Variants in DCDC1 observed in about 807,000 individuals in gnomAD.
The protein encoded by DCDC1 is doublecortin domain-containing protein 1.
DCDC1 carries 200 observed loss-of-function variants against 178.3 expected under a neutral mutation model. The ratio of observed to expected loss-of-function variants is 1.12; its 90% CI spans 1.00 to 1.26. DCDC1 has a LOEUF of 1.26. DCDC1 is among the 50% of genes most tolerant of loss of function. The pLI is 0.00. For synonymous variants in DCDC1, 690 were observed against 604.8 expected (o/e 1.14, Z -2.07); for missense variants, 1,983 against 1,749.2 (o/e 1.13, Z -2.38).
chr11:31,349,928 TGA>T lies in DCDC1; in HGVS notation c.-124-14366_-124-14365del, dbSNP rs1199778694. Among the ~76,000 whole-genome samples the T allele has an allele frequency of 2.1e-4, 32 of 152,348 alleles. 1 individual carries two copies. The highest frequency in any genetic ancestry group is 2.0e-3 in the Admixed American group (30 of 15,302). On this transcript the variant is annotated intron_variant, in intron 1 of 38. Coordinates refer to ENST00000684477, the MANE Select transcript of DCDC1 (RefSeq NM_001387274.1). ...TGTTACTAAATATTTGTTGAGAACA[TGA>T]TTTTTTATTACCTGTTTAATATCCT... is the stretch of plus-strand genomic sequence containing the variant.
At chr11:31,306,902 C>G (rs1245128251) in intron 4 of DCDC1, among the ~76,000 whole-genome samples, 2 of 151,962 alleles carry the variant, frequency 1.3e-5, no homozygotes, top group African/African-American at 4.8e-5. Flanking sequence ...TTGTATTGCT[C>G]TCATTTCAAA....
chr11:30,969,432 C>T (rs10835732), intron 20 of DCDC1, among the ~76,000 whole-genome samples: 71,722 of 151,908 alleles, frequency 0.47, 18,315 homozygotes, highest in Middle Eastern at 0.59. Context: ...GTATTGTTCC[C>T]TATAACCTCC....
chr11:31,033,228 C>T (rs1006773913), intron 20 of DCDC1, among the ~76,000 whole-genome samples: 1 of 152,030 alleles, frequency 6.6e-6, no homozygotes, highest in African/African-American at 2.4e-5. Context: ...GAACTTAAAC[C>T]TTGGTCAAAA....
chr11:31,171,332 TA>T (rs1967210408), intron 9 of DCDC1, among the ~76,000 whole-genome samples: 1 of 90,982 alleles, frequency 1.1e-5, no homozygotes. Flanking sequence ...AAGTCAGCCA[TA>T]AACAACATGA....
chr11:30,976,200 T>C (rs1161370049), intron 20 of DCDC1, among the ~76,000 whole-genome samples: 1 of 151,976 alleles, frequency 6.6e-6, no homozygotes, highest in East Asian at 1.9e-4. Context: ...CAAGATGAAT[T>C]GAAAACTTAA....
At chr11:31,352,073 A>G (rs1951101752) in intron 1 of DCDC1, among the ~76,000 whole-genome samples, 2 of 152,160 alleles carry the variant, frequency 1.3e-5, no homozygotes, top group South Asian at 4.1e-4. Flanking sequence ...GATTACAAAA[A>G]TCTGGACCTC....
chr11:31,283,818 C>T (rs764232281), intron 7 of DCDC1, among the ~76,000 whole-genome samples: 1 of 152,118 alleles, frequency 6.6e-6, no homozygotes, highest in Non-Finnish European at 1.5e-5. Flanking sequence ...GATGCTTACA[C>T]AAAATTTGAG....
chr11:30,898,530 G>A (rs1264004772), intron 34 of DCDC1, among the ~76,000 whole-genome samples: 2 of 152,222 alleles, frequency 1.3e-5, no homozygotes, highest in South Asian at 2.1e-4. Flanking sequence ...TTTTTGAGGA[G>A]GAACACCTGG....
intron 20 of DCDC1, among the ~76,000 whole-genome samples, chr11:30,992,023 T>C (rs1020648065): frequency 1.3e-5 from 2 of 152,170 alleles, no homozygotes; most frequent in African/African-American, 4.8e-5. Flanking sequence ...AAACCAAAAA[T>C]GAAAATGGTA....
chr11:31,016,281 A>G (rs1454197419), intron 20 of DCDC1, among the ~76,000 whole-genome samples: 3 of 152,234 alleles, frequency 2.0e-5, no homozygotes, highest in African/African-American at 7.2e-5. Flanking sequence ...GGGGAGTAGC[A>G]TGAGTAAGAA....
At chr11:31,364,482 G>A (rs1280911012) in intron 1 of DCDC1, among the ~76,000 whole-genome samples, 3 of 152,150 alleles carry the variant, frequency 2.0e-5, no homozygotes, top group Non-Finnish European at 4.4e-5. Context: ...AACATTAGAT[G>A]TGAAGATAGG....
chr11:31,036,283 A>C (rs925213880), intron 20 of DCDC1, among the ~76,000 whole-genome samples: 1 of 152,196 alleles, frequency 6.6e-6, no homozygotes, highest in Non-Finnish European at 1.5e-5. Flanking sequence ...TGAGAAAGGC[A>C]AAAACTGTTC....
At chr11:31,097,802 T>C (rs1241891422) in intron 15 of DCDC1, among the ~76,000 whole-genome samples, 2 of 152,192 alleles carry the variant, frequency 1.3e-5, no homozygotes, top group African/African-American at 4.8e-5. Context: ...ATACAAAATA[T>C]CATTTTTCAA....
chr11:31,247,437 T>C (rs973929742), intron 8 of DCDC1, among the ~76,000 whole-genome samples: 1 of 151,832 alleles, frequency 6.6e-6, no homozygotes, highest in Non-Finnish European at 1.5e-5. Context: ...CCTTGTTCCA[T>C]GAAATCAAGT....
At chr11:31,294,798 A>AAAATAAAGAAAGAAAG (rs1555168148) in intron 6 of DCDC1, among the ~76,000 whole-genome samples, 3 of 125,232 alleles carry the variant, frequency 2.4e-5, no homozygotes, top group Non-Finnish European at 5.0e-5. Flanking sequence ...AAAATAAAGA[A>AAAATAAAGAAAGAAAG]AAAGAAAGAA....
chr11:30,922,293 A>C (rs1239903374), intron 24 of DCDC1, among the ~76,000 whole-genome samples: 1 of 152,216 alleles, frequency 6.6e-6, no homozygotes, highest in Non-Finnish European at 1.5e-5. Context: ...TGACAAAATA[A>C]AAAGATGATG....
chr11:30,941,090 T>C (rs984036140), intron 21 of DCDC1, among the ~76,000 whole-genome samples: 1 of 152,174 alleles, frequency 6.6e-6, no homozygotes, highest in Non-Finnish European at 1.5e-5. Flanking sequence ...TGTGCTTGCA[T>C]TATTAGACTA....
chr11:31,168,706 C>T (rs966106887), intron 9 of DCDC1, among the ~76,000 whole-genome samples: 2 of 152,112 alleles, frequency 1.3e-5, no homozygotes, highest in South Asian at 2.1e-4. Context: ...GGAATCTCTT[C>T]GTATCACTAT....
chr11:31,104,091 T>C (rs762192065), intron 13 of DCDC1, among the ~76,000 whole-genome samples: 3 of 152,196 alleles, frequency 2.0e-5, no homozygotes, highest in Non-Finnish European at 4.4e-5. Flanking sequence ...TGTATAACAG[T>C]AATCCAATAC....
Sources: allele counts gnomAD v4.1 joint callset (sites outside exome capture counted in the v4.1 genomes callset), GRCh38; gene constraint gnomAD v4.1.1; transcripts MANE v1.5; gene names NCBI Gene and HGNC (gene_info 2026-07-23, HGNC 2026-07-21).